Variants in OR2T33 observed in about 807,000 individuals in gnomAD.
OR2T33 encodes the protein olfactory receptor family 2 subfamily T member 33, also known as olfactory receptor 2T33.
OR2T33 carries 10 observed loss-of-function variants against 14.0 expected under a neutral mutation model. The ratio of observed to expected loss-of-function variants is 0.72; its 90% confidence interval spans 0.44 to 1.22. The LOEUF is 1.22. OR2T33 is among the 50% of genes most tolerant of loss of function. The probability of loss-of-function intolerance (pLI) is 0.00; values close to 1 mark genes in which losing one functional copy is unlikely to be tolerated. For missense variants in OR2T33, 276 were observed against 405.9 expected (o/e 0.68, Z 2.75); for synonymous variants, 103 against 159.4 (o/e 0.65, Z 2.66).
At chr1:248,277,030 CT>C (rs1659454899) in intron 1 of OR2T33, among the ~76,000 whole-genome samples, 2 of 151,266 alleles carry the variant, frequency 1.3e-5, no homozygotes, top group South Asian at 4.2e-4. Context: ...AATTCATGGG[CT>C]GTTATTAATT....
chr1:248,269,938 T>C lies in OR2T33; in HGVS notation c.*2914A>G, dbSNP rs1224140970. 1 of 152,206 alleles carries C rather than the reference T, an allele frequency of 6.6e-6. No homozygotes were observed. Among genetic ancestry groups the C allele is most frequent in the African/African-American group, 2.4e-5 (1 of 41,444 alleles). The allele number at this position is 152,206 out of a possible 1,614,324, so 9.4% of individuals were successfully genotyped here. A position where few individuals can be genotyped will look rare whatever the true frequency, so the allele number is the denominator to read the frequency against. On this transcript the variant is annotated 3_prime_UTR_variant, in exon 2 of 2. Coordinates refer to ENST00000641220, the MANE Select transcript of OR2T33 (RefSeq NM_001004695.2). ...CCAGCACCTATATACCCAAGGATTA[T>C]AAATCATGCTGCTATAAAGACACAT...
rs1572820125 is a variant in OR2T33 at position 248,270,790 on chromosome 1, G to T, written c.*2062C>A. 6.6e-6 allele frequency: 1 copy of T among 151,956 alleles called. No individual in the cohort carries two copies. The highest frequency in any genetic ancestry group is 1.9e-4 in the East Asian group (1 of 5,180). 9.4% of individuals were successfully genotyped at this position (151,956 alleles called of 1,614,324 possible). Reference sequence around the variant, plus strand: ...TCGTAGAAAACAAAATTATATATTGGACTTTACAAAAATCAAAATCTCTGC... The same window carrying T: ...TCGTAGAAAACAAAATTATATATTGTACTTTACAAAAATCAAAATCTCTGC... On this transcript the variant is annotated 3_prime_UTR_variant, in exon 2 of 2. Transcript: ENST00000641220.
chr1:248,275,926 TTTATA>T (rs1332230471), intron 1 of OR2T33, among the ~76,000 whole-genome samples: 1 of 152,204 alleles, frequency 6.6e-6, no homozygotes, highest in Non-Finnish European at 1.5e-5. Context: ...TTTCTGTCAT[TTTATA>T]TTATGATATA....
At chr1:248,277,604 C>T (rs1375661052) in intron 1 of OR2T33, among the ~76,000 whole-genome samples, 161 bp downstream of exon 1, 1 of 152,060 alleles carries the variant, frequency 6.6e-6, no homozygotes, top group Non-Finnish European at 1.5e-5. Flanking sequence ...CCGTGGATGA[C>T]AGGAAAACAT....
intron 1 of OR2T33, among the ~76,000 whole-genome samples, chr1:248,274,108 T>A (rs1270792570): frequency 6.6e-6 from 1 of 152,158 alleles, no homozygotes; most frequent in Non-Finnish European, 1.5e-5. Context: ...AGTGGTAAAG[T>A]GTTATGATTT....
Position 248,272,723 on chromosome 1 carries a change from A to T in OR2T33, c.*129T>A. On this transcript the variant is annotated 3_prime_UTR_variant, in exon 2 of 2. Transcript: ENST00000641220. ...ATCTCTCAATACAATTAGCTCACTT[A>T]ATTCTTAAAAATATCCTATTATATC... 2 of 1,244,994 alleles carry T rather than the reference A, an allele frequency of 1.6e-6. No individual in the cohort carries two copies. The highest frequency in any genetic ancestry group is 2.2e-6 in the Non-Finnish European group (2 of 895,256). The allele number at this position is 1,244,994 out of a possible 1,614,324, so 77.1% of individuals were successfully genotyped here.
chr1:248,273,736 T>C lies in OR2T33; in HGVS notation c.79A>G (p.Met27Val), dbSNP rs1222575429. The C allele has an allele frequency of 6.2e-7, 1 of 1,613,702 alleles. No homozygotes were observed. Among genetic ancestry groups the C allele is most frequent in the African/African-American group, 1.3e-5 (1 of 74,904 alleles). The change falls in exon 2 of 2, where the codon ATG becomes GTG. Residue 27 changes from methionine (M) to valine (V), a missense_variant. Met to Val is a conservative substitution (Grantham distance 21, BLOSUM62 1). Transcript: ENST00000641220. Reference sequence around the variant, plus strand: ...GTCAAAACGATACTCAGAACCATCATGAAGAGGACTTGGTGGGCTCTGGTG... The same window carrying C: ...GTCAAAACGATACTCAGAACCATCACGAAGAGGACTTGGTGGGCTCTGGTG... ...NHTRAHQVLF[M>V]MVLSIVLTSL... is the part of the protein sequence containing the mutation.
intron 1 of OR2T33, among the ~76,000 whole-genome samples, chr1:248,276,440 C>T (rs1259419609): frequency 6.6e-6 from 1 of 151,796 alleles, no homozygotes; most frequent in Non-Finnish European, 1.5e-5. Flanking sequence ...TTGACGTATT[C>T]AGAAGCTTGA....
Position 248,272,645 on chromosome 1 carries a change from A to G in OR2T33, c.*207T>C, listed in dbSNP as rs1430875672. The G allele has an allele frequency of 3.4e-5, 21 of 620,454 alleles. No homozygotes were observed. The highest frequency in any genetic ancestry group is 4.8e-5 in the Non-Finnish European group (18 of 371,570). The allele number at this position is 620,454 out of a possible 1,614,324, so 38.4% of individuals were successfully genotyped here. A position where few individuals can be genotyped will look rare whatever the true frequency, so the allele number is the denominator to read the frequency against. The stretch of plus-strand genomic sequence containing the variant: ...ATGGGGTTGTTGTAGGATACAAAGT[A>G]ATCCATAGATACTACTTCACTTGAA... On this transcript the variant is annotated 3_prime_UTR_variant, in exon 2 of 2. Coordinates refer to ENST00000641220, the MANE Select transcript of OR2T33 (RefSeq NM_001004695.2).
intron 1 of OR2T33, 114 bp from the exon 2 acceptor site, chr1:248,273,936 T>C (rs1423201509): frequency 1.5e-6 from 2 of 1,349,778 alleles, no homozygotes; most frequent in Non-Finnish European, 1.9e-6. Context: ...TCCCAGGTAG[T>C]GATTCAAAGC....
chr1:248,273,885 T>C (rs534006916), intron 1 of OR2T33, 63 bp from the exon 2 acceptor site: 2 of 1,549,884 alleles, frequency 1.3e-6, no homozygotes, highest in Admixed American at 3.8e-5. Context: ...TGAATAACTG[T>C]TTGACTGCAC....
At position 248,272,752 on chromosome 1, in the gene OR2T33, G is replaced by A; in HGVS notation, c.*100C>T. 2.1e-6 allele frequency: 3 copies of A among 1,447,730 alleles called. No homozygotes were observed. Among genetic ancestry groups the A allele is most frequent in the Non-Finnish European group, 2.8e-6 (3 of 1,073,328 alleles). 89.7% of individuals were successfully genotyped at this position (1,447,730 alleles called of 1,614,324 possible). ...CTTAAAAATATCCTATTATATCAATGCAAAAACTTAATTTTCTCTGCATGA... is the reference window on the plus strand; with the variant it reads ...CTTAAAAATATCCTATTATATCAATACAAAAACTTAATTTTCTCTGCATGA... On this transcript the variant is annotated 3_prime_UTR_variant, in exon 2 of 2. Transcript: ENST00000641220.
At chr1:248,274,394 G>A (rs1018924433) in intron 1 of OR2T33, among the ~76,000 whole-genome samples, 2 of 152,138 alleles carry the variant, frequency 1.3e-5, no homozygotes, top group African/African-American at 4.8e-5. Context: ...TCACACAACT[G>A]ATGAAATTTT....
chr1:248,273,990 T>C (rs2103032138), intron 1 of OR2T33, among the ~76,000 whole-genome samples, 168 bp from the exon 2 acceptor site: 1 of 152,296 alleles, frequency 6.6e-6, no homozygotes, highest in East Asian at 1.9e-4. Context: ...TGGCATTCAC[T>C]TCTCTGTAGC....
chr1:248,276,071 TC>T (rs574952469), intron 1 of OR2T33, among the ~76,000 whole-genome samples: 1 of 152,272 alleles, frequency 6.6e-6, no homozygotes, highest in South Asian at 2.1e-4. Flanking sequence ...TGATACTGTT[TC>T]ACCTCGGATC....
Position 248,270,961 on chromosome 1 carries a change from T to C in OR2T33, c.*1891A>G, listed in dbSNP as rs1659363168. 1.3e-5 allele frequency: 2 copies of C among 152,014 alleles called. No homozygotes were observed. Among genetic ancestry groups the C allele is most frequent in the South Asian group, 4.1e-4 (2 of 4,820 alleles). The allele number at this position is 152,014 out of a possible 1,614,324, so 9.4% of individuals were successfully genotyped here. A position where few individuals can be genotyped will look rare whatever the true frequency, so the allele number is the denominator to read the frequency against. On this transcript the variant is annotated 3_prime_UTR_variant, in exon 2 of 2. Transcript: ENST00000641220. ...TAAAATAAATAAAAACAAAAACATT[T>C]TGGCCAAAGATATAAAGATACTCTT...
At chr1:248,277,073 A>G (rs181413394) in intron 1 of OR2T33, among the ~76,000 whole-genome samples, 49 of 150,198 alleles carry the variant, frequency 3.3e-4, no homozygotes, top group Admixed American at 8.0e-4. Context: ...CTGGACTTAA[A>G]ACATTCTAAT....
At position 248,272,325 on chromosome 1, in the gene OR2T33, T is replaced by C. The variant is rs1659382337; in HGVS notation, c.*527A>G. 2 of 152,514 alleles carry C rather than the reference T, an allele frequency of 1.3e-5. No homozygotes were observed. The highest frequency in any genetic ancestry group is 2.1e-4 in the South Asian group (1 of 4,852). 9.4% of individuals were successfully genotyped at this position (152,514 alleles called of 1,614,324 possible). A position where few individuals can be genotyped will look rare whatever the true frequency, so the allele number is the denominator to read the frequency against. ...AATTGTGGCAATATAGCAGTTACATTTGAGTTGTGGACTTTCCCTTTTGTC... is the reference window on the plus strand; with the variant it reads ...AATTGTGGCAATATAGCAGTTACATCTGAGTTGTGGACTTTCCCTTTTGTC... On this transcript the variant is annotated 3_prime_UTR_variant, in exon 2 of 2. Transcript: ENST00000641220.
In OR2T33 at chr1:248,270,020, A is replaced by G. The variant is rs1659349465; in HGVS notation, c.*2832T>C. 1 of 152,192 alleles carries G rather than the reference A, an allele frequency of 6.6e-6. No individual in the cohort carries two copies. The highest frequency in any genetic ancestry group is 2.1e-4 in the South Asian group (1 of 4,830). 9.4% of individuals were successfully genotyped at this position (152,192 alleles called of 1,614,324 possible). A position where few individuals can be genotyped will look rare whatever the true frequency, so the allele number is the denominator to read the frequency against. ...AACAGCAAAGACTTGGAACCAACAC[A>G]AATTTCCAGCAATGATGGACTGGAT... is the stretch of plus-strand genomic sequence containing the variant. On this transcript the variant is annotated 3_prime_UTR_variant, in exon 2 of 2. Transcript: ENST00000641220.
Sources: gnomAD v4.1 joint callset for allele counts (sites outside exome capture counted in the v4.1 genomes callset) on GRCh38, gnomAD v4.1.1 for gene constraint, MANE v1.5 for transcripts, NCBI Gene and HGNC (gene_info 2026-07-23, HGNC 2026-07-21) for gene names.